The following NCOA3 variants were observed in gnomAD, a reference collection of about 807,000 sequenced individuals.
The protein encoded by NCOA3 is nuclear receptor coactivator 3, also known as CBP-interacting protein.
A neutral mutation model predicts 158.8 loss-of-function variants in NCOA3; 51 were observed. That is an observed-to-expected ratio of 0.32 (90% CI 0.26 to 0.41). NCOA3 has a LOEUF of 0.41. NCOA3 is among the 10% of genes least tolerant of loss of function. The pLI is 1.00. For synonymous variants in NCOA3, 537 were observed against 592.4 expected (o/e 0.91, Z 1.36); for missense variants, 1,510 against 1,746.6 (o/e 0.86, Z 2.41).
At chr20:47,601,543 T>TA (rs2085863151) in intron 2 of NCOA3, among the ~76,000 whole-genome samples, 1 of 152,212 alleles carries the variant, frequency 6.6e-6, no homozygotes, top group Non-Finnish European at 1.5e-5. Flanking sequence ...ATCAGCTCAA[T>TA]AATCTAATAA....
rs11474538 is a variant in NCOA3, at chr20:47,532,110, TTGTGTGTGTGTGTG to T, written c.-99+30107_-99+30120del. ...AAAATAAAACTTTGTAGGGGGGGAC[TTGTGTGTGTGTGTG>T]TGTGTGTGTGTGTGTTGCAGGGTTT... is the stretch of plus-strand genomic sequence containing the variant. On this transcript the variant is annotated intron_variant, in intron 1 of 22. Transcript: ENST00000371998. Among the ~76,000 whole-genome samples the T allele has an allele frequency of 3.4e-5, 5 of 147,512 alleles. No individual in the cohort carries two copies. The East Asian group carries it at 7.9e-4, about 23-fold the overall frequency.
intron 1 of NCOA3, among the ~76,000 whole-genome samples, chr20:47,553,382 C>G (rs1446260094): frequency 6.6e-6 from 1 of 151,920 alleles, no homozygotes; most frequent in Non-Finnish European, 1.5e-5. Context: ...CTTTTACACT[C>G]TTGAAAATTT....
chr20:47,650,531 G>A (rs760131560), intron 19 of NCOA3, among the ~76,000 whole-genome samples: 3 of 151,804 alleles, frequency 2.0e-5, no homozygotes, highest in Non-Finnish European at 4.4e-5. Flanking sequence ...GATTACAGGC[G>A]TAAGCCACTG....
At chr20:47,512,526 CCA>C (rs1289961217) in intron 1 of NCOA3, among the ~76,000 whole-genome samples, 1 of 150,786 alleles carries the variant, frequency 6.6e-6, no homozygotes, top group Non-Finnish European at 1.5e-5. Context: ...CGACATAGCG[CCA>C]CTGCACTCGA....
intron 2 of NCOA3, among the ~76,000 whole-genome samples, chr20:47,618,347 A>AATT (rs2086174061): frequency 2.1e-5 from 2 of 96,450 alleles, no homozygotes; most frequent in African/African-American, 3.9e-5. Context: ...ATTTTCCCTT[A>AATT]GTTTTTTTTT....
intron 1 of NCOA3, among the ~76,000 whole-genome samples, chr20:47,573,310 T>C (rs561666402): frequency 6.6e-6 from 1 of 152,208 alleles, no homozygotes; most frequent in East Asian, 1.9e-4. Flanking sequence ...GGAGAATTGC[T>C]TGAACCCGGG....
intron 2 of NCOA3, among the ~76,000 whole-genome samples, chr20:47,603,348 C>G (rs910886023): frequency 7.9e-5 from 12 of 152,340 alleles, no homozygotes; most frequent in African/African-American, 2.9e-4. Flanking sequence ...CTCTCAAACC[C>G]CTTTTGGGAG....
intron 2 of NCOA3, among the ~76,000 whole-genome samples, chr20:47,621,638 T>A: frequency 6.7e-6 from 1 of 149,000 alleles, no homozygotes; most frequent in African/African-American, 2.5e-5. Flanking sequence ...AAGCATACTA[T>A]TTTTCCATCA....
Position 47,652,904 on chromosome 20 carries a change from G to A in NCOA3, c.4122-27G>A. The A allele has an allele frequency of 3.1e-6, 5 of 1,612,026 alleles. No individual in the cohort carries two copies. The East Asian group carries it at 8.9e-5, about 29-fold the overall frequency. ...TTTGTCGCTAAAGTGACTTCCAGAG[G>A]TAATATTACCATTTGTTTACTTACA... is the stretch of plus-strand genomic sequence containing the variant. On this transcript the variant is annotated intron_variant, in intron 21 of 22. Coordinates refer to ENST00000371998, the MANE Select transcript of NCOA3 (RefSeq NM_181659.3).
intron 19 of NCOA3, among the ~76,000 whole-genome samples, chr20:47,649,977 G>C (rs145123452): frequency 2.1e-4 from 32 of 151,852 alleles, no homozygotes; most frequent in African/African-American, 7.7e-4. Context: ...TTCTGAGGTG[G>C]ACCCCTGCTT....
chr20:47,593,270 G>T (rs1189034713), intron 2 of NCOA3, among the ~76,000 whole-genome samples: 1 of 148,570 alleles, frequency 6.7e-6, no homozygotes, highest in African/African-American at 2.5e-5. Flanking sequence ...TGGAATCCCA[G>T]ACTGCGGTAT....
At chr20:47,540,286 A>C (rs908305050) in intron 1 of NCOA3, among the ~76,000 whole-genome samples, 1 of 152,138 alleles carries the variant, frequency 6.6e-6, no homozygotes, top group African/African-American at 2.4e-5. Context: ...AAAATCAAAT[A>C]TCTTGGCTGG....
At chr20:47,552,785 G>T (rs2084943479) in intron 1 of NCOA3, among the ~76,000 whole-genome samples, 2 of 151,970 alleles carry the variant, frequency 1.3e-5, no homozygotes, top group Admixed American at 1.3e-4. Flanking sequence ...ATTTCATCTG[G>T]GTCTTGTTCT....
intron 1 of NCOA3, among the ~76,000 whole-genome samples, chr20:47,523,739 C>G (rs1368735549): frequency 1.3e-5 from 2 of 152,226 alleles, no homozygotes; most frequent in Non-Finnish European, 2.9e-5. Context: ...AAAGTCCTAG[C>G]GGACTCAGCG....
At chr20:47,592,496 T>C (rs1039192599) in intron 2 of NCOA3, among the ~76,000 whole-genome samples, 2 of 152,244 alleles carry the variant, frequency 1.3e-5, no homozygotes, top group Non-Finnish European at 2.9e-5. Flanking sequence ...TATTCAACAA[T>C]GAAATACTTT....
In NCOA3 at chr20:47,626,999, T is replaced by C. The variant is rs747532020; in HGVS notation, c.358-3T>C. On this transcript the variant is annotated splice_polypyrimidine_tract_variant and splice_region_variant and intron_variant, in intron 5 of 22. Coordinates refer to ENST00000371998, the MANE Select transcript of NCOA3 (RefSeq NM_181659.3). ...CAGCCTGTATTAACATATCCTATTT[T>C]AGGCATTGGATGGTTTCCTATTTGT... is the stretch of plus-strand genomic sequence containing the variant. 1 of 1,609,650 alleles carries C rather than the reference T, an allele frequency of 6.2e-7. No homozygotes were observed. The highest frequency in any genetic ancestry group is 8.5e-7 in the Non-Finnish European group (1 of 1,177,602).
chr20:47,528,829 A>G (rs1405031737), intron 1 of NCOA3, among the ~76,000 whole-genome samples: 1 of 152,080 alleles, frequency 6.6e-6, no homozygotes, highest in African/African-American at 2.4e-5. Context: ...GCTGAAGTGC[A>G]ATGGTGTGAT....
At chr20:47,562,483 G>C (rs886363282) in intron 1 of NCOA3, among the ~76,000 whole-genome samples, 1 of 151,886 alleles carries the variant, frequency 6.6e-6, no homozygotes, top group Non-Finnish European at 1.5e-5. Flanking sequence ...CCCTGATGAC[G>C]TGTGATGTGG....
intron 1 of NCOA3, among the ~76,000 whole-genome samples, chr20:47,509,235 G>GA (rs1033815827): frequency 9.3e-5 from 14 of 150,658 alleles, no homozygotes; most frequent in Non-Finnish European, 4.4e-5. Flanking sequence ...TAAAAAATAG[G>GA]AAAAAAAAAT....
Sources: allele counts gnomAD v4.1 joint callset (sites outside exome capture counted in the v4.1 genomes callset), GRCh38; gene constraint gnomAD v4.1.1; transcripts MANE v1.5; gene names NCBI Gene and HGNC (gene_info 2026-07-23, HGNC 2026-07-21).